FAM81A: variants seen among roughly 807,000 people sequenced by gnomAD.
FAM81A encodes the protein protein FAM81A.
A neutral mutation model predicts 46.7 loss-of-function variants in FAM81A; 19 were observed. The observed-to-expected ratio is 0.41, with a 90% CI of 0.28 to 0.60. The LOEUF is 0.60. FAM81A is among the 20% of genes least tolerant of loss of function. The pLI, the probability that FAM81A is intolerant of heterozygous loss-of-function variation, is 0.34. For synonymous variants in FAM81A, 183 were observed against 152.9 expected (o/e 1.20, Z -1.45); for missense variants, 377 against 453.5 (o/e 0.83, Z 1.53).
intron 2 of FAM81A, among the ~76,000 whole-genome samples, chr15:59,423,339 C>T (rs1335466092): frequency 6.6e-6 from 1 of 152,192 alleles, no homozygotes; most frequent in Non-Finnish European, 1.5e-5. Flanking sequence ...ACCTCGTGAT[C>T]CGCCTGCCTC....
chr15:59,468,305 C>G (rs1256422722), intron 3 of FAM81A, among the ~76,000 whole-genome samples: 1 of 152,098 alleles, frequency 6.6e-6, no homozygotes, highest in African/African-American at 2.4e-5. Context: ...CTTTGTACCT[C>G]TGGTAGAATT....
upstream of FAM81A, among the ~76,000 whole-genome samples, chr15:59,437,735 G>T (rs781064507): frequency 5.3e-5 from 8 of 152,172 alleles, no homozygotes; most frequent in Non-Finnish European, 7.4e-5. Context: ...TTGTGGGAAA[G>T]CGGTTTAGTA....
intron 6 of FAM81A, among the ~76,000 whole-genome samples, chr15:59,509,587 G>A (rs1415150251): frequency 1.3e-5 from 2 of 152,180 alleles, no homozygotes; most frequent in Non-Finnish European, 2.9e-5. Flanking sequence ...CAATGGAAGC[G>A]AGACTGCAGT....
chr15:59,433,898 C>T (rs886412602), upstream of FAM81A, among the ~76,000 whole-genome samples: 1 of 152,200 alleles, frequency 6.6e-6, no homozygotes, highest in African/African-American at 2.4e-5. Flanking sequence ...CTCTGTCACC[C>T]AGGCTGAAGT....
intron 3 of FAM81A, among the ~76,000 whole-genome samples, chr15:59,489,827 T>C (rs900263386): frequency 3.3e-5 from 5 of 152,158 alleles, no homozygotes; most frequent in African/African-American, 1.2e-4. Context: ...GTTCAATAAG[T>C]GGTGCTGGGA....
intron 2 of FAM81A, among the ~76,000 whole-genome samples, chr15:59,421,770 TCTATCTATCTATCTATCTATCTAC>T (rs1328740037): frequency 2.7e-5 from 4 of 148,172 alleles, no homozygotes; most frequent in African/African-American, 9.8e-5. Context: ...TATCTATCTA[TCTATCTATCTATCTATCTATCTAC>T]CTACCTAACT....
intron 2 of FAM81A, among the ~76,000 whole-genome samples, chr15:59,432,519 T>C (rs1458590584): frequency 6.6e-6 from 1 of 152,162 alleles, no homozygotes; most frequent in Admixed American, 6.5e-5. Flanking sequence ...TCTCATTTGG[T>C]TTTTATGCGG....
At chr15:59,470,734 G>C (rs1199301240) in intron 3 of FAM81A, among the ~76,000 whole-genome samples, 1 of 152,138 alleles carries the variant, frequency 6.6e-6, no homozygotes, top group Non-Finnish European at 1.5e-5. Context: ...TCTCCATCCA[G>C]CTTTGTTGAA....
In FAM81A at chr15:59,502,485, C is replaced by CTGTGTGTGTG. The variant is rs71119478; in HGVS notation, c.414-4694_414-4685dup. On this transcript the variant is annotated intron_variant, in intron 4 of 8. Coordinates refer to ENST00000288228, the MANE Select transcript of FAM81A (RefSeq NM_152450.3). ...CATAAAAAAACCAGAGTTGACTTCA[C>CTGTGTGTGTG]TGTGTGTGTGTGTGTGTGTGTGTGT... 6.0e-3 allele frequency among the ~76,000 whole-genome samples: 825 copies of CTGTGTGTGTG among 138,270 alleles called. 10 individuals are homozygous for CTGTGTGTGTG. Among genetic ancestry groups the CTGTGTGTGTG allele is most frequent in the African/African-American group, 0.015 (562 of 37,132 alleles). The allele number at this position is 138,270 out of a possible 152,430, so 90.7% of individuals were successfully genotyped here. A position where few individuals can be genotyped will look rare whatever the true frequency, so the allele number is the denominator to read the frequency against.
intron 4 of FAM81A, among the ~76,000 whole-genome samples, chr15:59,498,593 G>GT (rs1567070929): frequency 6.6e-6 from 1 of 152,096 alleles, no homozygotes; most frequent in Non-Finnish European, 1.5e-5. Flanking sequence ...CTCTTGTCTT[G>GT]TTTTTTTATT....
At chr15:59,449,814 A>G (rs2141610220) in intron 1 of FAM81A, among the ~76,000 whole-genome samples, 1 of 142,176 alleles carries the variant, frequency 7.0e-6, no homozygotes, top group African/African-American at 2.6e-5. Context: ...AAAAAAAATG[A>G]CATTGTATAG....
chr15:59,424,291 TCA>T, intron 2 of FAM81A, among the ~76,000 whole-genome samples: 1 of 152,374 alleles, frequency 6.6e-6, no homozygotes, highest in Non-Finnish European at 1.5e-5. Flanking sequence ...CTCTTTCTTC[TCA>T]GTCTCCTTCC....
intron 3 of FAM81A, among the ~76,000 whole-genome samples, chr15:59,484,243 T>C (rs1232615740): frequency 2.0e-5 from 3 of 152,226 alleles, no homozygotes; most frequent in African/African-American, 7.2e-5. Flanking sequence ...AAGTGTCACA[T>C]AAAATTTCTT....
chr15:59,407,032 G>T, intron 2 of FAM81A: 1 of 165,878 alleles, frequency 6.0e-6, no homozygotes, highest in South Asian at 1.6e-4. Flanking sequence ...ACAGACTTGG[G>T]AGCCAGGACA....
intron 2 of FAM81A, among the ~76,000 whole-genome samples, chr15:59,417,066 G>T (rs1185632364): frequency 6.6e-6 from 1 of 152,082 alleles, no homozygotes; most frequent in Non-Finnish European, 1.5e-5. Flanking sequence ...GAGACATGGG[G>T]AAGGAGCTAA....
At chr15:59,447,977 C>T (rs1432242881) in intron 1 of FAM81A, among the ~76,000 whole-genome samples, 1 of 152,138 alleles carries the variant, frequency 6.6e-6, no homozygotes, top group South Asian at 2.1e-4. Context: ...TTTGCTGGCC[C>T]ATGGTCAAGC....
At chr15:59,512,935 C>G (rs1009535399) in intron 6 of FAM81A, among the ~76,000 whole-genome samples, 11 of 152,196 alleles carry the variant, frequency 7.2e-5, no homozygotes, top group African/African-American at 2.7e-4. Flanking sequence ...AATGTGGTCT[C>G]TGGCTAGGCA....
At chr15:59,470,020 A>T (rs2081664798) in intron 3 of FAM81A, among the ~76,000 whole-genome samples, 1 of 152,192 alleles carries the variant, frequency 6.6e-6, no homozygotes, top group South Asian at 2.1e-4. Context: ...TTCTTTAAGA[A>T]TGTTGATTAT....
chr15:59,464,564 A>T (rs1488614849), intron 3 of FAM81A, among the ~76,000 whole-genome samples: 2 of 152,156 alleles, frequency 1.3e-5, no homozygotes, highest in African/African-American at 4.8e-5. Context: ...TTCCCTGATA[A>T]TTAGTGATAT....
Sources: gnomAD v4.1 joint callset for allele counts (sites outside exome capture counted in the v4.1 genomes callset) on GRCh38, gnomAD v4.1.1 for gene constraint, MANE v1.5 for transcripts, NCBI Gene and HGNC (gene_info 2026-07-23, HGNC 2026-07-21) for gene names.